The following CDH18 variants were observed in gnomAD, a reference collection of about 807,000 sequenced individuals.
The protein encoded by CDH18 is cadherin 18, also known as cadherin-18.
A neutral mutation model predicts 67.9 loss-of-function variants in CDH18; 31 were observed. The observed-to-expected ratio is 0.46, with a 90% CI of 0.34 to 0.62. CDH18 has a LOEUF of 0.62. Ranked by LOEUF, CDH18 falls within the 20% of genes least tolerant of loss-of-function variation. The pLI is 0.01. For synonymous variants in CDH18, 362 were observed against 347.2 expected, an observed-to-expected ratio of 1.04 and a Z score of -0.48; for missense variants, 890 against 975.5, an observed-to-expected ratio of 0.91 and a Z score of 1.17.
In CDH18 at chr5:20,107,001, TTAATAAAATGGGTC is replaced by T. The variant is rs143810418; in HGVS notation, c.-517-115001_-517-114988del. Among the ~76,000 whole-genome samples the T allele has an allele frequency of 6.9e-3, 1,048 of 152,348 alleles. 22 individuals are homozygous for T. The highest frequency in any genetic ancestry group is 0.023 in the African/African-American group (945 of 41,592). On this transcript the variant is annotated intron_variant, in intron 2 of 14. Coordinates refer to the CDH18 transcript ENST00000507958. The stretch of plus-strand genomic sequence containing the variant: ...GTATTAATTTATTTGAAAATGTCTG[TTAATAAAATGGGTC>T]TTTGTTTTTTACACTGTGATTCTGA...
At chr5:20,478,349 A>C in intron 1 of CDH18, among the ~76,000 whole-genome samples, 1 of 152,104 alleles carries the variant, frequency 6.6e-6, no homozygotes, top group East Asian at 1.9e-4. Context: ...TTCTGGACGC[A>C]CCCTGGGCCA....
chr5:20,395,429 T>G (rs1489243871), intron 1 of CDH18, among the ~76,000 whole-genome samples: 1 of 152,030 alleles, frequency 6.6e-6, no homozygotes, highest in East Asian at 1.9e-4. Flanking sequence ...TAATGGACAC[T>G]GGAGACTCAG....
At chr5:19,840,616 C>T (rs987545746) in intron 2 of CDH18, among the ~76,000 whole-genome samples, 2 of 151,940 alleles carry the variant, frequency 1.3e-5, no homozygotes, top group South Asian at 2.1e-4. Context: ...GCAGGAGAAT[C>T]GCTTGAACCC....
chr5:19,605,140 TA>T (rs1372748347), intron 6 of CDH18, among the ~76,000 whole-genome samples: 2 of 151,862 alleles, frequency 1.3e-5, no homozygotes, highest in Non-Finnish European at 2.9e-5. Context: ...CACAACCACA[TA>T]GATTAAAAAC....
At chr5:20,216,880 C>A (rs1216398979) in intron 2 of CDH18, among the ~76,000 whole-genome samples, 1 of 151,810 alleles carries the variant, frequency 6.6e-6, no homozygotes, top group Admixed American at 6.6e-5. Flanking sequence ...GCAGAAAGAG[C>A]AAGAGCAAGG....
At chr5:19,624,373 A>G (rs933680858) in intron 5 of CDH18, among the ~76,000 whole-genome samples, 12 of 152,130 alleles carry the variant, frequency 7.9e-5, no homozygotes, top group African/African-American at 2.7e-4. Context: ...TAGGCATGCT[A>G]TATGTATATA....
intron 2 of CDH18, among the ~76,000 whole-genome samples, chr5:20,058,576 A>G (rs947055747): frequency 2.6e-5 from 4 of 152,174 alleles, no homozygotes; most frequent in Non-Finnish European, 5.9e-5. Flanking sequence ...CTGTAACATC[A>G]TTCTACAGTA....
rs34718835 is a variant in CDH18 at position 20,266,571 on chromosome 5, A to ATTTTTTTTTTTTTTTTTTT, written c.-579-11085_-579-11067dup. Among the ~76,000 whole-genome samples, 56 of 59,184 alleles carry ATTTTTTTTTTTTTTTTTTT rather than the reference A, an allele frequency of 9.5e-4. 2 individuals carry two copies. Among genetic ancestry groups the ATTTTTTTTTTTTTTTTTTT allele is most frequent in the African/African-American group, 2.2e-3 (31 of 14,118 alleles). 38.8% of individuals were successfully genotyped at this position (59,184 alleles called of 152,430 possible). ...GGCACGTGCCGGCACGCCCGGCTGA[A>ATTTTTTTTTTTTTTTTTTT]TTTTTTTTTTTTTTTTTTTTTTTTT... On this transcript the variant is annotated intron_variant, in intron 1 of 14. Coordinates refer to the CDH18 transcript ENST00000507958.
chr5:20,461,405 AG>A, intron 1 of CDH18, among the ~76,000 whole-genome samples: 1 of 152,292 alleles, frequency 6.6e-6, no homozygotes, highest in East Asian at 1.9e-4. Flanking sequence ...AGTTGCCATG[AG>A]AGTCCAGTGG....
At chr5:20,029,595 A>T (rs1037531299) in intron 2 of CDH18, among the ~76,000 whole-genome samples, 1 of 152,190 alleles carries the variant, frequency 6.6e-6, no homozygotes, top group Non-Finnish European at 1.5e-5. Context: ...TTATGAGATT[A>T]CCTGTGCAAA....
At chr5:19,934,121 A>G (rs1301271529) in intron 2 of CDH18, among the ~76,000 whole-genome samples, 1 of 151,356 alleles carries the variant, frequency 6.6e-6, no homozygotes. Flanking sequence ...GGTGGTAAAA[A>G]TGTGTTATCA....
chr5:20,157,127 G>C (rs1157128069), intron 2 of CDH18, among the ~76,000 whole-genome samples: 2 of 152,164 alleles, frequency 1.3e-5, no homozygotes, highest in Admixed American at 1.3e-4. Flanking sequence ...AAGATGGTAT[G>C]AGATTTTATT....
intron 2 of CDH18, among the ~76,000 whole-genome samples, chr5:19,893,895 T>C (rs1405202506): frequency 6.6e-6 from 1 of 152,148 alleles, no homozygotes; most frequent in Non-Finnish European, 1.5e-5. Flanking sequence ...AACTCCTATA[T>C]TAAAGATCAG....
At chr5:20,061,581 C>T (rs1742491951) in intron 2 of CDH18, among the ~76,000 whole-genome samples, 1 of 152,062 alleles carries the variant, frequency 6.6e-6, no homozygotes, top group African/African-American at 2.4e-5. Context: ...CAAATATTAG[C>T]ACACTTTATT....
intron 2 of CDH18, among the ~76,000 whole-genome samples, chr5:20,116,635 A>G (rs1465202371): frequency 6.6e-6 from 1 of 152,178 alleles, no homozygotes; most frequent in Non-Finnish European, 1.5e-5. Flanking sequence ...TATCATTCCA[A>G]TTTACTTCTT....
At chr5:19,957,329 G>A (rs1002463000) in intron 2 of CDH18, among the ~76,000 whole-genome samples, 1 of 150,614 alleles carries the variant, frequency 6.6e-6, no homozygotes, top group Non-Finnish European at 1.5e-5. Flanking sequence ...TTTTATATAT[G>A]TAATTATAAT....
At position 20,373,489 on chromosome 5, in the gene CDH18, TC is replaced by T. The variant is rs1392241332; in HGVS notation, c.-579-117985del. On this transcript the variant is annotated intron_variant, in intron 1 of 14. Transcript: ENST00000507958. ...CTTATCTTCTCATATTAAATGTCATTCTATTTAACAAGCATTCTCTGTGCCC... is the reference window on the plus strand; with the variant it reads ...CTTATCTTCTCATATTAAATGTCATTTATTTAACAAGCATTCTCTGTGCCC... 3.3e-5 allele frequency among the ~76,000 whole-genome samples: 5 copies of T among 152,166 alleles called. No homozygotes were observed. In the East Asian group the frequency reaches 9.6e-4, roughly 29 times the overall value.
intron 2 of CDH18, among the ~76,000 whole-genome samples, chr5:19,956,619 C>A (rs537024755): frequency 2.1e-4 from 32 of 151,740 alleles, no homozygotes; most frequent in Non-Finnish European, 4.0e-4. Flanking sequence ...AATTATCCTG[C>A]CTTTAAATTC....
chr5:19,698,809 G>T (rs922376830), intron 5 of CDH18, among the ~76,000 whole-genome samples: 2 of 152,072 alleles, frequency 1.3e-5, no homozygotes, highest in African/African-American at 4.8e-5. Context: ...TGGGATAGGT[G>T]ATTACACCAT....
Sources: allele counts gnomAD v4.1 joint callset (sites outside exome capture counted in the v4.1 genomes callset), GRCh38; gene constraint gnomAD v4.1.1; transcripts MANE v1.5; gene names NCBI Gene and HGNC (gene_info 2026-07-23, HGNC 2026-07-21).